The following MAML2 variants were observed in gnomAD, a reference collection of about 807,000 sequenced individuals.
The protein encoded by MAML2 is mastermind-like protein 2.
In MAML2, 22 loss-of-function variants were observed where a neutral mutation model predicts 96.1. The observed-to-expected ratio is 0.23, with a 90% CI of 0.16 to 0.33. The LOEUF is 0.33. Among genes scored for constraint, MAML2 ranks in the 10% least tolerant of loss-of-function variants. The probability of loss-of-function intolerance (pLI) is 1.00; values close to 1 mark genes in which losing one functional copy is unlikely to be tolerated. For missense variants in MAML2, 1,367 were observed against 1,392.4 expected (o/e 0.98, Z 0.29); for synonymous variants, 561 against 521.3 (o/e 1.08, Z -1.04).
chr11:96,299,060 A>AATATATATATAT (rs1555037073), intron 1 of MAML2, among the ~76,000 whole-genome samples: 32 of 56,328 alleles, frequency 5.7e-4, no homozygotes, highest in South Asian at 3.4e-3. Flanking sequence ...AAAAAAAAAA[A>AATATATATATAT]ATATATATAT....
intron 2 of MAML2, among the ~76,000 whole-genome samples, chr11:95,998,141 A>AGTCTGTCTGTCAGTCTGTCT (rs1554993547): frequency 1.6e-4 from 23 of 143,652 alleles, no homozygotes; most frequent in Admixed American, 7.0e-5. Context: ...TCTGTCTGTC[A>AGTCTGTCTGTCAGTCTGTCT]GTCTGTCTGT....
intron 2 of MAML2, among the ~76,000 whole-genome samples, chr11:96,028,982 G>A (rs10734173): frequency 0.47 from 71,101 of 151,888 alleles, 18,317 homozygotes; most frequent in Non-Finnish European, 0.59. Context: ...TATGGCAACT[G>A]AATAACACAG....
intron 1 of MAML2, among the ~76,000 whole-genome samples, chr11:96,229,202 G>A (rs1421721964): frequency 1.3e-5 from 2 of 151,956 alleles, no homozygotes; most frequent in Non-Finnish European, 2.9e-5. Context: ...AGTCAAGAGA[G>A]GGGAAAAACA....
chr11:96,335,700 T>A (rs1220612417), intron 1 of MAML2, among the ~76,000 whole-genome samples: 1 of 152,212 alleles, frequency 6.6e-6, no homozygotes, highest in Non-Finnish European at 1.5e-5. Flanking sequence ...GCATCATAGC[T>A]GTTGATTCCT....
intron 1 of MAML2, among the ~76,000 whole-genome samples, chr11:96,310,756 G>A (rs1863531253): frequency 6.6e-6 from 1 of 152,096 alleles, no homozygotes; most frequent in Non-Finnish European, 1.5e-5. Flanking sequence ...AGTCTCCCCA[G>A]GTGTAAAAAG....
At chr11:96,028,781 A>G (rs1307515868) in intron 2 of MAML2, among the ~76,000 whole-genome samples, 1 of 152,214 alleles carries the variant, frequency 6.6e-6, no homozygotes, top group African/African-American at 2.4e-5. Context: ...ACAGTATAAC[A>G]TTGCTGTCCT....
intron 2 of MAML2, among the ~76,000 whole-genome samples, chr11:96,004,749 C>T (rs1858150151): frequency 6.6e-6 from 1 of 152,100 alleles, no homozygotes; most frequent in Non-Finnish European, 1.5e-5. Context: ...AATAATAGTG[C>T]CTTCCTCATG....
chr11:96,203,718 G>A (rs1282408353), intron 1 of MAML2, among the ~76,000 whole-genome samples: 3 of 152,004 alleles, frequency 2.0e-5, no homozygotes, highest in African/African-American at 7.3e-5. Flanking sequence ...GTGTAGAAAC[G>A]GAAATGAATC....
At chr11:96,159,283 G>T (rs1267316919) in intron 1 of MAML2, among the ~76,000 whole-genome samples, 2 of 152,078 alleles carry the variant, frequency 1.3e-5, no homozygotes, top group East Asian at 3.8e-4. Flanking sequence ...CTCCACAGCA[G>T]TAAGTTCAAT....
chr11:96,338,132 A>T (rs970087490), intron 1 of MAML2, among the ~76,000 whole-genome samples: 1 of 152,262 alleles, frequency 6.6e-6, no homozygotes, highest in Non-Finnish European at 1.5e-5. Flanking sequence ...AAAGGGAAAG[A>T]TTAATAATGT....
chr11:96,091,028 G>A (rs1385028097), intron 2 of MAML2, among the ~76,000 whole-genome samples: 3 of 152,120 alleles, frequency 2.0e-5, no homozygotes, highest in African/African-American at 7.2e-5. Flanking sequence ...TTTTCTTTTA[G>A]GTTCCCTGGG....
Position 96,101,787 on chromosome 11 carries a change from T to A in MAML2, c.514-8270A>T, listed in dbSNP as rs527905185. On this transcript the variant is annotated intron_variant, in intron 1 of 4. Transcript: ENST00000524717. ...CTGACTATCCTATGGACAAGGCATG[T>A]GCTAGAAAAAGAGAAAATGAAGGTA... 3.9e-5 allele frequency among the ~76,000 whole-genome samples: 6 copies of A among 152,276 alleles called. 2 individuals are homozygous for A. In the South Asian group the frequency reaches 1.2e-3, roughly 32 times the overall value.
chr11:96,227,401 T>C lies in MAML2; in HGVS notation c.513+113982A>G, dbSNP rs183578604. On this transcript the variant is annotated intron_variant, in intron 1 of 4. Transcript: ENST00000524717. ...AAATAAGTCTCATTCACAGCTATAC[T>C]GTAAGTTTCATGCCAAGAATGCAGG... Among the ~76,000 whole-genome samples, 508 of 152,354 alleles carry C rather than the reference T, an allele frequency of 3.3e-3. 1 individual carries two copies. The highest frequency in any genetic ancestry group is 6.8e-3 in the Middle Eastern group (2 of 294).
At chr11:95,981,298 G>C (rs1028170986) in intron 4 of MAML2, among the ~76,000 whole-genome samples, 4 of 152,146 alleles carry the variant, frequency 2.6e-5, no homozygotes, top group African/African-American at 9.7e-5. Flanking sequence ...GTAATAAGAG[G>C]CTCCACACAA....
At chr11:96,138,455 A>G (rs1225516068) in intron 1 of MAML2, among the ~76,000 whole-genome samples, 4 of 152,188 alleles carry the variant, frequency 2.6e-5, no homozygotes, top group Non-Finnish European at 5.9e-5. Context: ...TGCCTCTTAT[A>G]TTGTGTTCCA....
chr11:96,088,324 G>A (rs1010815795), intron 2 of MAML2, among the ~76,000 whole-genome samples: 6 of 152,296 alleles, frequency 3.9e-5, no homozygotes, highest in African/African-American at 1.4e-4. Context: ...ATCCACTTGA[G>A]TTGCATGGAT....
chr11:96,332,247 C>T (rs1380040842), intron 1 of MAML2, among the ~76,000 whole-genome samples: 1 of 152,224 alleles, frequency 6.6e-6, no homozygotes, highest in Non-Finnish European at 1.5e-5. Flanking sequence ...CACGCACTCA[C>T]ACTAGCTAAG....
intron 2 of MAML2, among the ~76,000 whole-genome samples, chr11:96,011,729 C>CAA (rs1003645187): frequency 6.6e-6 from 1 of 151,680 alleles, no homozygotes; most frequent in Non-Finnish European, 1.5e-5. Flanking sequence ...AACAAGCAAA[C>CAA]AAAAAAATGG....
At chr11:96,135,277 C>G (rs924026642) in intron 1 of MAML2, among the ~76,000 whole-genome samples, 2 of 152,180 alleles carry the variant, frequency 1.3e-5, no homozygotes, top group Admixed American at 1.3e-4. Context: ...AAGATGCCAG[C>G]CCCTTGGACT....
Sources: allele counts gnomAD v4.1 joint callset (sites outside exome capture counted in the v4.1 genomes callset), GRCh38; gene constraint gnomAD v4.1.1; transcripts MANE v1.5; gene names NCBI Gene and HGNC (gene_info 2026-07-23, HGNC 2026-07-21).